The following TF variants were observed in gnomAD, a reference collection of about 807,000 sequenced individuals.
The protein encoded by TF is serotransferrin.
Under a neutral mutation model 82.4 loss-of-function variants are expected in TF, and 55 were observed. The ratio of observed to expected loss-of-function variants is 0.67; its 90% CI spans 0.54 to 0.84. The LOEUF is 0.84. Among genes scored for constraint, TF ranks in the 40% least tolerant of loss-of-function variants. The probability of loss-of-function intolerance (pLI) is 0.00; values close to 1 mark genes in which losing one functional copy is unlikely to be tolerated. For synonymous variants in TF, 332 were observed against 332.6 expected (o/e 1.00, Z 0.02); for missense variants, 737 against 868.4 (o/e 0.85, Z 1.90).
At chr3:133,667,356 CAA>C in the TF span, among the ~76,000 whole-genome samples, 3 of 128,028 alleles carry the variant, frequency 2.3e-5, no homozygotes, top group Admixed American at 8.0e-5. Flanking sequence ...GACTCTGACT[CAA>C]AAAAAAAAAA....
At position 133,757,035 on chromosome 3, in the gene TF, C is replaced by G. The variant is rs531769552; in HGVS notation, c.870+26C>G. 2.0e-5 allele frequency: 33 copies of G among 1,614,096 alleles called. 2 individuals carry two copies. In the South Asian group the frequency reaches 3.5e-4, roughly 17 times the overall value. ...GTATCCCCACCTGCCATCCTCCCCT[C>G]CAGCTTAGTGCTCCCTGCTTGGATT... On this transcript the variant is annotated intron_variant, in intron 7 of 16. Transcript: ENST00000402696.
chr3:133,687,088 C>G, the TF span, among the ~76,000 whole-genome samples: 2 of 152,112 alleles, frequency 1.3e-5, no homozygotes, highest in Non-Finnish European at 2.9e-5. Context: ...AGCAAACTAT[C>G]GCAAGGACGG....
rs879836057 is a variant in TF, at chr3:133,750,445, C to CGCT, written c.216+1863_216+1864insTGC. On this transcript the variant is annotated intron_variant, in intron 2 of 16. Transcript: ENST00000402696. ...ATGCAGCCTGGCTTCCCTCAATCCC[C>CGCT]GCGCTGGGGTTTTCCGTGTCTTTCT... 8.8e-5 allele frequency among the ~76,000 whole-genome samples: 8 copies of CGCT among 91,396 alleles called. No homozygotes were observed. In the Admixed American group the frequency reaches 9.9e-4, roughly 11 times the overall value. 60.0% of individuals were successfully genotyped at this position (91,396 alleles called of 152,430 possible). A position where few individuals can be genotyped will look rare whatever the true frequency, so the allele number is the denominator to read the frequency against.
Position 133,775,468 on chromosome 3 carries a change from G to A in TF, c.1723G>A (p.Glu575Lys). 3 of 1,614,210 alleles carry A rather than the reference G, an allele frequency of 1.9e-6. No individual in the cohort carries two copies. The highest frequency in any genetic ancestry group is 2.5e-6 in the Non-Finnish European group (3 of 1,180,030). ...NPDPWAKNLN[E>K]KDYELLCLDG... ...TGATCCATGGGCTAAGAATCTGAAT[G>A]AAAAAGACTATGAGTTGCTGTGCCT... Residue 575 changes from glutamate to lysine, a missense_variant, in exon 15 of 17, where the codon GAA becomes AAA. Coordinates refer to ENST00000402696, the MANE Select transcript of TF (RefSeq NM_001063.4).
At chr3:133,766,779 A>G (rs1039087668) in intron 12 of TF, among the ~76,000 whole-genome samples, 1 of 152,146 alleles carries the variant, frequency 6.6e-6, no homozygotes, top group Non-Finnish European at 1.5e-5. Context: ...TTCTGAGCAT[A>G]AGACTTCCAT....
At position 133,789,231 on chromosome 3, in the gene TF, A is replaced by G. The variant is rs1279345855; in HGVS notation, c.*10611A>G. The G allele has an allele frequency of 2.0e-5, 3 of 152,322 alleles. No homozygotes were observed. The highest frequency in any genetic ancestry group is 2.9e-5 in the Non-Finnish European group (2 of 68,146). The allele number at this position is 152,322 out of a possible 1,614,324, so 9.4% of individuals were successfully genotyped here. A position where few individuals can be genotyped will look rare whatever the true frequency, so the allele number is the denominator to read the frequency against. On this transcript the variant is annotated 3_prime_UTR_variant, in exon 17 of 17. Transcript: ENST00000402696. ...GCAGTTGCAATACTGTTTGGCCCCA[A>G]TATGGTTTGGATTCTGGCATTTGCT...
At chr3:133,741,518 A>T (rs1933388553), upstream of TF, among the ~76,000 whole-genome samples, 1 of 152,238 alleles carries the variant, frequency 6.6e-6, no homozygotes, top group East Asian at 1.9e-4. Flanking sequence ...GAAAAGCTTT[A>T]TTCAGCATGC....
the TF span, among the ~76,000 whole-genome samples, chr3:133,738,373 G>A: frequency 2.0e-5 from 3 of 152,232 alleles, no homozygotes; most frequent in Non-Finnish European, 2.9e-5. Context: ...ATAGGCAAAA[G>A]CTGGAAGCAT....
At chr3:133,722,325 C>T in the TF span, among the ~76,000 whole-genome samples, 1 of 152,022 alleles carries the variant, frequency 6.6e-6, no homozygotes, top group South Asian at 2.1e-4. Flanking sequence ...TGAGGTGAGT[C>T]TCTTGTAGAG....
At chr3:133,751,453 G>T (rs535568231) in intron 2 of TF, among the ~76,000 whole-genome samples, 2 of 151,842 alleles carry the variant, frequency 1.3e-5, no homozygotes, top group Non-Finnish European at 2.9e-5. Flanking sequence ...GTATGGTCTC[G>T]ATCTCCTGAC....
Position 133,756,307 on chromosome 3 carries a change from G to A in TF, c.661G>A (p.Val221Met), listed in dbSNP as rs1933828614. 3.1e-6 allele frequency: 5 copies of A among 1,614,050 alleles called. No individual in the cohort carries two copies. Among genetic ancestry groups the A allele is most frequent in the Admixed American group, 1.7e-5 (1 of 60,002 alleles). Residue 221 changes from valine to methionine, a missense_variant, in exon 6 of 17, where the codon GTG becomes ATG. Coordinates refer to ENST00000402696, the MANE Select transcript of TF (RefSeq NM_001063.4). The part of the protein sequence containing the change: ...FKCLKDGAGD[V>M]AFVKHSTIFE... ...GTGTCTGAAGGATGGTGCTGGGGAT[G>A]TGGCCTTTGTCAAGCACTCGACTAT... is the stretch of plus-strand genomic sequence containing the variant.
Position 133,766,270 on chromosome 3 carries a change from T to C in TF, c.1331-8T>C. 1 of 1,614,088 alleles carries C rather than the reference T, an allele frequency of 6.2e-7. No homozygotes were observed. The highest frequency in any genetic ancestry group is 1.3e-5 in the African/African-American group (1 of 75,050). ...TTAATACATCCTTTTCTGGTGTCTT[T>C]CTTGTAGGGTATTTTGCTATAGCAG... is the stretch of plus-strand genomic sequence containing the variant. On this transcript the variant is annotated splice_region_variant and splice_polypyrimidine_tract_variant and intron_variant, in intron 11 of 16. Transcript: ENST00000402696.
Position 133,756,927 on chromosome 3 carries a change from C to T in TF, c.788C>T (p.Ala263Val). Reference sequence around the variant, plus strand: ...GATGAATACAAGGACTGCCACTTGGCCCAGGTCCCTTCTCATACCGTCGTG... The same window carrying T: ...GATGAATACAAGGACTGCCACTTGGTCCAGGTCCCTTCTCATACCGTCGTG... ...PVDEYKDCHLAQVPSHTVVAR... is the reference protein window; with the variant it reads ...PVDEYKDCHLVQVPSHTVVAR... Residue 263 changes from alanine (A) to valine (V), a missense_variant, in exon 7 of 17, where the codon GCC becomes GTC. Transcript: ENST00000402696. The T allele has an allele frequency of 4.3e-6, 7 of 1,614,180 alleles. No individual in the cohort carries two copies. The highest frequency in any genetic ancestry group is 5.9e-6 in the Non-Finnish European group (7 of 1,180,030).
At chr3:133,663,053 C>T in the TF span, among the ~76,000 whole-genome samples, 2 of 152,150 alleles carry the variant, frequency 1.3e-5, no homozygotes, top group Admixed American at 6.5e-5. Flanking sequence ...AGTTAGAACC[C>T]TCTACCCTCA....
At chr3:133,721,382 T>C in the TF span, among the ~76,000 whole-genome samples, 2 of 152,168 alleles carry the variant, frequency 1.3e-5, no homozygotes, top group African/African-American at 2.4e-5. Context: ...GTTTAATATA[T>C]ATGTAAAGAT....
the TF span, among the ~76,000 whole-genome samples, chr3:133,707,260 G>T: frequency 6.6e-6 from 1 of 150,626 alleles, no homozygotes; most frequent in Non-Finnish European, 1.5e-5. Context: ...AATGCCATAG[G>T]TACAGAAATA....
chr3:133,769,458 A>T (rs939328006), intron 13 of TF, among the ~76,000 whole-genome samples: 1 of 152,218 alleles, frequency 6.6e-6, no homozygotes, highest in Non-Finnish European at 1.5e-5. Flanking sequence ...ATGTATAAAC[A>T]TGCTTAAAAT....
At chr3:133,707,190 T>TCACACACACACACA in the TF span, among the ~76,000 whole-genome samples, 340 of 144,712 alleles carry the variant, frequency 2.3e-3, 2 homozygotes, top group East Asian at 0.011. Context: ...AACCTCAGAG[T>TCACACACACACACA]CACACACACA....
At chr3:133,669,037 G>A in the TF span, among the ~76,000 whole-genome samples, 2 of 151,740 alleles carry the variant, frequency 1.3e-5, no homozygotes, top group African/African-American at 4.8e-5. Flanking sequence ...GTTTTGCTCT[G>A]TTGTCCAGGG....
Sources: allele counts gnomAD v4.1 joint callset (sites outside exome capture counted in the v4.1 genomes callset), GRCh38; gene constraint gnomAD v4.1.1; transcripts MANE v1.5; gene names NCBI Gene and HGNC (gene_info 2026-07-23, HGNC 2026-07-21).